The following VAT1L variants were observed in gnomAD, a reference collection of about 807,000 sequenced individuals.
VAT1L encodes putative NADPH-dependent quinone oxidoreductase VAT1L.
A neutral mutation model predicts 44.1 loss-of-function variants in VAT1L; 34 were observed. The ratio of observed to expected loss-of-function variants is 0.77; its 90% CI spans 0.59 to 1.03. The LOEUF (loss-of-function observed/expected upper bound fraction) is 1.03. VAT1L is among the 50% of genes least tolerant of loss of function. The probability of loss-of-function intolerance (pLI) is 0.00; values close to 1 mark genes in which losing one functional copy is unlikely to be tolerated. For missense variants in VAT1L, 615 were observed against 538.8 expected (o/e 1.14, Z -1.40); for synonymous variants, 253 against 202.2 (o/e 1.25, Z -2.13).
chr16:77,829,338 G>A (rs2145250128), intron 3 of VAT1L, among the ~76,000 whole-genome samples: 1 of 152,342 alleles, frequency 6.6e-6, no homozygotes, highest in African/African-American at 2.4e-5. Flanking sequence ...ATAGGGTTAT[G>A]TAAAGTGTGT....
Position 77,978,091 on chromosome 16 carries a change from AG to A in VAT1L, c.*398del. The A allele has an allele frequency of 6.0e-6, 1 of 166,632 alleles. No individual in the cohort carries two copies. Among genetic ancestry groups the A allele is most frequent in the South Asian group, 1.6e-4 (1 of 6,434 alleles). 10.3% of individuals were successfully genotyped at this position (166,632 alleles called of 1,614,324 possible). ...CCCTGTCCAGCTCCTAGAATTCCTC[AG>A]GCCAGTGACACTTTTTTGCTGCTGG... is the stretch of plus-strand genomic sequence containing the variant. On this transcript the variant is annotated 3_prime_UTR_variant, in exon 9 of 9. Transcript: ENST00000302536.
At chr16:77,830,909 C>A (rs2016571869) in intron 3 of VAT1L, among the ~76,000 whole-genome samples, 1 of 152,224 alleles carries the variant, frequency 6.6e-6, no homozygotes, top group Non-Finnish European at 1.5e-5. Context: ...TTCTCGAACT[C>A]CTGATCTCAG....
Position 77,905,160 on chromosome 16 carries a change from C to T in VAT1L, c.1077+20358C>T, listed in dbSNP as rs559593033. 2.0e-5 allele frequency among the ~76,000 whole-genome samples: 3 copies of T among 152,284 alleles called. No individual in the cohort carries two copies. The East Asian group carries it at 5.8e-4, about 29-fold the overall frequency. ...AATATATTGGGCATTATTTGTATGT[C>T]TCTTGTTGGCAACCTGTAAAGAAAA... On this transcript the variant is annotated intron_variant, in intron 7 of 8. Coordinates refer to ENST00000302536, the MANE Select transcript of VAT1L (RefSeq NM_020927.3).
At chr16:77,950,029 T>C (rs1033372605) in intron 7 of VAT1L, among the ~76,000 whole-genome samples, 2 of 152,224 alleles carry the variant, frequency 1.3e-5, no homozygotes, top group African/African-American at 4.8e-5. Context: ...GCTGTGGTGA[T>C]CAAAGTGAGC....
rs781761514 is a variant in VAT1L, at chr16:77,971,968, C to CGCGA, written c.1161+37_1161+40dup. On this transcript the variant is annotated intron_variant, in intron 8 of 8. Coordinates refer to ENST00000302536, the MANE Select transcript of VAT1L (RefSeq NM_020927.3). ...AAGCAGAGGAGTCTGTTCAGTTCCA[C>CGCGA]GCGAGAGAGCACCACGGGTCAATCA... 1.4e-5 allele frequency: 23 copies of CGCGA among 1,590,114 alleles called. No homozygotes were observed. In the African/African-American group the frequency reaches 2.2e-4, roughly 15 times the overall value.
At chr16:77,864,589 G>A (rs535980806) in intron 4 of VAT1L, among the ~76,000 whole-genome samples, 61 of 152,292 alleles carry the variant, frequency 4.0e-4, no homozygotes, top group Middle Eastern at 3.4e-3. Flanking sequence ...ATGGGTGACA[G>A]ACAGCAAGAG....
intron 7 of VAT1L, among the ~76,000 whole-genome samples, chr16:77,901,309 G>A (rs1469661075): frequency 1.3e-5 from 2 of 151,580 alleles, no homozygotes; most frequent in East Asian, 1.9e-4. Context: ...AACTACAGGC[G>A]CCCGCCACCA....
chr16:77,878,660 C>T (rs1427061959), intron 5 of VAT1L, among the ~76,000 whole-genome samples: 1 of 152,076 alleles, frequency 6.6e-6, no homozygotes, highest in Non-Finnish European at 1.5e-5. Context: ...CCCTGGGCCC[C>T]TTTTCATTCT....
At chr16:77,941,196 C>T (rs2017878555) in intron 7 of VAT1L, among the ~76,000 whole-genome samples, 1 of 152,132 alleles carries the variant, frequency 6.6e-6, no homozygotes, top group Admixed American at 6.6e-5. Context: ...AAGTCACTTG[C>T]TTCTCAGAAG....
At chr16:77,902,422 G>A (rs903587898) in intron 7 of VAT1L, among the ~76,000 whole-genome samples, 13 of 152,122 alleles carry the variant, frequency 8.5e-5, no homozygotes, top group African/African-American at 3.1e-4. Context: ...TTTTTATTCA[G>A]TCACTAAGTA....
At chr16:77,813,579 G>C (rs1456348843) in intron 1 of VAT1L, among the ~76,000 whole-genome samples, 1 of 152,214 alleles carries the variant, frequency 6.6e-6, no homozygotes, top group Non-Finnish European at 1.5e-5. Flanking sequence ...TCCTGGTGCA[G>C]GGAGTTGGGT....
rs143069924 is a variant in VAT1L, at chr16:77,869,941, G to A, written c.723-6429G>A. Among the ~76,000 whole-genome samples, 81 of 152,302 alleles carry A rather than the reference G, an allele frequency of 5.3e-4. 1 individual carries two copies. In the East Asian group the frequency reaches 0.012, roughly 23 times the overall value. ...ATCAGACCGAACTCCTGCACTTCTAGCACAATGCCTGGCACATAATAGGAG... is the reference window on the plus strand; with the variant it reads ...ATCAGACCGAACTCCTGCACTTCTAACACAATGCCTGGCACATAATAGGAG... On this transcript the variant is annotated intron_variant, in intron 4 of 8. Transcript: ENST00000302536.
At chr16:77,941,507 G>T (rs540135960) in intron 7 of VAT1L, among the ~76,000 whole-genome samples, 2 of 152,280 alleles carry the variant, frequency 1.3e-5, no homozygotes, top group East Asian at 3.9e-4. Context: ...ATGACAGAAT[G>T]ATTTATATTC....
At position 77,940,340 on chromosome 16, in the gene VAT1L, GT is replaced by G. The variant is rs66546770; in HGVS notation, c.1078-31490del. On this transcript the variant is annotated intron_variant, in intron 7 of 8. Transcript: ENST00000302536. ...CAAGCCAGGTCTAACATACCACTTG[GT>G]TTTTTTTTTTTTTTTTTTTGGAGAC... 1.2e-3 allele frequency among the ~76,000 whole-genome samples: 138 copies of G among 112,512 alleles called. 1 individual carries two copies. Among genetic ancestry groups the G allele is most frequent in the South Asian group, 5.0e-3 (16 of 3,208 alleles). The allele number at this position is 112,512 out of a possible 152,430, so 73.8% of individuals were successfully genotyped here.
chr16:77,952,415 C>T (rs1018039507), intron 7 of VAT1L, among the ~76,000 whole-genome samples: 19 of 152,194 alleles, frequency 1.2e-4, no homozygotes, highest in Admixed American at 1.2e-3. Flanking sequence ...TCACACCAGA[C>T]CTGGTAGTTT....
chr16:77,880,060 G>A (rs951902062), intron 6 of VAT1L, among the ~76,000 whole-genome samples: 2 of 152,122 alleles, frequency 1.3e-5, no homozygotes, highest in African/African-American at 2.4e-5. Flanking sequence ...TAGTTTGTCG[G>A]CCATTGCAAA....
At chr16:77,877,012 C>T (rs941109600) in intron 5 of VAT1L, among the ~76,000 whole-genome samples, 2 of 151,936 alleles carry the variant, frequency 1.3e-5, no homozygotes, top group Non-Finnish European at 1.5e-5. Context: ...TCCTGAGCGT[C>T]CCACTCTTAA....
chr16:77,965,803 C>G (rs1332152055), intron 7 of VAT1L, among the ~76,000 whole-genome samples: 1 of 152,236 alleles, frequency 6.6e-6, no homozygotes, highest in Non-Finnish European at 1.5e-5. Flanking sequence ...TGACATCTCA[C>G]TGTCTCCACA....
intron 1 of VAT1L, chr16:77,800,265 T>A (rs1325204527): frequency 6.6e-6 from 1 of 152,178 alleles, no homozygotes; most frequent in Non-Finnish European, 1.5e-5. Context: ...ATTTTCTCCT[T>A]GTTGATATCT....
Sources: gnomAD v4.1 joint callset for allele counts (sites outside exome capture counted in the v4.1 genomes callset) on GRCh38, gnomAD v4.1.1 for gene constraint, MANE v1.5 for transcripts, NCBI Gene and HGNC (gene_info 2026-07-23, HGNC 2026-07-21) for gene names.